Variants in ACTL8 observed in about 807,000 individuals in gnomAD.
ACTL8 encodes the protein actin like 8, also known as actin-like protein 8.
In ACTL8, 3 loss-of-function variants were observed where a neutral mutation model predicts 9.3. That is an observed-to-expected ratio of 0.32 (90% confidence interval 0.15 to 0.83). The LOEUF (loss-of-function observed/expected upper bound fraction) is 0.83. Among genes scored for constraint, ACTL8 ranks in the 40% least tolerant of loss-of-function variants. The pLI is 0.57. For missense variants in ACTL8, 381 were observed against 492.2 expected, an observed-to-expected ratio of 0.77 and a Z score of 2.14; for synonymous variants, 224 against 205.9, an observed-to-expected ratio of 1.09 and a Z score of -0.75.
At chr1:17,824,396 A>G (rs2053694615) in intron 2 of ACTL8, among the ~76,000 whole-genome samples, 1 of 152,226 alleles carries the variant, frequency 6.6e-6, no homozygotes, top group South Asian at 2.1e-4. Flanking sequence ...TTAAATAAAA[A>G]CTTTCCAAAC....
chr1:17,813,840 G>A (rs2066408396), intron 1 of ACTL8, among the ~76,000 whole-genome samples: 1 of 151,990 alleles, frequency 6.6e-6, no homozygotes, highest in Admixed American at 6.6e-5. Flanking sequence ...ATTGAGCTTT[G>A]GTACTTTATG....
intron 1 of ACTL8, among the ~76,000 whole-genome samples, chr1:17,781,557 A>G (rs970884765): frequency 1.3e-5 from 2 of 152,140 alleles, no homozygotes; most frequent in Non-Finnish European, 1.5e-5. Flanking sequence ...AGGAACTTCT[A>G]AGTCATTGGG....
chr1:17,826,657 T>A lies in ACTL8; in HGVS notation c.*138T>A. On this transcript the variant is annotated 3_prime_UTR_variant, in exon 3 of 3. Coordinates refer to ENST00000375406, the MANE Select transcript of ACTL8 (RefSeq NM_030812.3). The surrounding 1 kb of genome is among the most constrained non-coding windows in gnomAD (Gnocchi z 4.5). ...TTGGAATTCTAGGGGCATGAGGGTA[T>A]TTTTTAGGTTCTAAGGTTTTATCTT... The A allele has an allele frequency of 1.2e-6, 1 of 845,850 alleles. No homozygotes were observed. The highest frequency in any genetic ancestry group is 1.7e-6 in the Non-Finnish European group (1 of 582,112). 52.4% of individuals were successfully genotyped at this position (845,850 alleles called of 1,614,324 possible).
chr1:17,777,002 T>A (rs1374945598), intron 1 of ACTL8, among the ~76,000 whole-genome samples: 2 of 104,488 alleles, frequency 1.9e-5, no homozygotes, highest in African/African-American at 3.8e-5. Flanking sequence ...TTTTTTTTTT[T>A]TTTAGAGATG....
chr1:17,823,263 G>A lies in ACTL8; in HGVS notation c.255G>A (p.Val85=), dbSNP rs766978559. 6 of 1,614,056 alleles carry A rather than the reference G, an allele frequency of 3.7e-6. No homozygotes were observed. The African/African-American group carries it at 6.7e-5, about 18-fold the overall frequency. The change falls in exon 2 of 3, where the codon GTG becomes GTA. Residue 85 remains valine (V), a synonymous_variant. Transcript: ENST00000375406. The surrounding 1 kb of genome is among the most constrained non-coding windows in gnomAD (Gnocchi z 5.3). ...WEGVQYLWSF[V]LENHRREQEV... ...GTGTGCAGTACCTCTGGTCATTTGT[G>A]TTGGAGAACCACAGACGGGAGCAAG...
At chr1:17,772,962 A>G (rs1258172069) in intron 1 of ACTL8, among the ~76,000 whole-genome samples, 1 of 152,150 alleles carries the variant, frequency 6.6e-6, no homozygotes, top group African/African-American at 2.4e-5. Flanking sequence ...CATTTTCCTA[A>G]TGTGGTTGAC....
At chr1:17,825,622 C>T (rs1218475782) in intron 2 of ACTL8, 145 bp from the exon 3 acceptor site, 3 of 1,054,050 alleles carry the variant, frequency 2.8e-6, no homozygotes, top group Non-Finnish European at 4.0e-6. Context: ...GCATTATCCT[C>T]ACTGCATAAG....
At chr1:17,792,361 C>T (rs1183334531) in intron 1 of ACTL8, among the ~76,000 whole-genome samples, 2 of 152,168 alleles carry the variant, frequency 1.3e-5, no homozygotes, top group Non-Finnish European at 2.9e-5. Context: ...TATAATCACC[C>T]CCTCTCCATT....
intron 1 of ACTL8, among the ~76,000 whole-genome samples, chr1:17,764,785 G>A (rs909273357): frequency 1.3e-5 from 2 of 152,166 alleles, no homozygotes; most frequent in Non-Finnish European, 2.9e-5. Context: ...CTGGCTCCCC[G>A]GGGGAGTTCA....
intron 1 of ACTL8, among the ~76,000 whole-genome samples, chr1:17,790,600 C>T (rs887826444): frequency 7.2e-5 from 11 of 152,174 alleles, no homozygotes; most frequent in Non-Finnish European, 1.3e-4. Flanking sequence ...CACCCATGGG[C>T]GGGCCCAGAA....
At chr1:17,784,717 C>T (rs555542259) in intron 1 of ACTL8, among the ~76,000 whole-genome samples, 31 of 152,206 alleles carry the variant, frequency 2.0e-4, no homozygotes, top group African/African-American at 6.0e-4. Context: ...CGCTTCTTCC[C>T]GTTTTATAGG....
In ACTL8 at chr1:17,819,973, C is replaced by T. The variant is rs916986331; in HGVS notation, c.-24-3012C>T. On this transcript the variant is annotated intron_variant, in intron 1 of 2. Transcript: ENST00000375406. ...GAAGTGAGACGCGATCGTGCCACTG[C>T]CCTCCAGCCTGCGCAAGAGCGAGAT... Among the ~76,000 whole-genome samples, 8 of 152,034 alleles carry T rather than the reference C, an allele frequency of 5.3e-5. No individual in the cohort carries two copies. The South Asian group carries it at 1.7e-3, about 32-fold the overall frequency.
chr1:17,779,310 A>G (rs2066137177), intron 1 of ACTL8, among the ~76,000 whole-genome samples: 1 of 152,000 alleles, frequency 6.6e-6, no homozygotes, highest in African/African-American at 2.4e-5. Context: ...TTCGCCTTGT[A>G]CCTTGCATCT....
Position 17,822,042 on chromosome 1 carries a change from C to T in ACTL8, c.-24-943C>T, listed in dbSNP as rs564828080. ...TTTCAGCAGGGGGGCTGCTGTTCTC[C>T]CCACTTTACAGATGAAGAAACTAAC... On this transcript the variant is annotated intron_variant, in intron 1 of 2. Transcript: ENST00000375406. Among the ~76,000 whole-genome samples the T allele has an allele frequency of 5.9e-5, 9 of 152,260 alleles. 1 individual carries two copies. Among genetic ancestry groups the T allele is most frequent in the South Asian group, 2.1e-4 (1 of 4,824 alleles).
intron 1 of ACTL8, among the ~76,000 whole-genome samples, chr1:17,813,719 TA>T (rs2066407763): frequency 6.6e-6 from 1 of 152,230 alleles, no homozygotes; most frequent in South Asian, 2.1e-4. Flanking sequence ...AAATGTTGGG[TA>T]AATTCTCCAG....
intron 1 of ACTL8, among the ~76,000 whole-genome samples, chr1:17,796,010 G>T (rs2066274287): frequency 6.6e-6 from 1 of 152,144 alleles, no homozygotes; most frequent in Non-Finnish European, 1.5e-5. Context: ...GCCTTTAAAA[G>T]CTGAGCTAGG....
intron 1 of ACTL8, among the ~76,000 whole-genome samples, chr1:17,761,739 T>G (rs2066007531): frequency 6.6e-6 from 1 of 152,034 alleles, no homozygotes; most frequent in Non-Finnish European, 1.5e-5. Flanking sequence ...CCCAGCTAAT[T>G]TTTGTATTTT....
intron 1 of ACTL8, among the ~76,000 whole-genome samples, chr1:17,787,718 A>ACGC (rs1195283271): frequency 6.6e-6 from 1 of 151,758 alleles, no homozygotes; most frequent in Non-Finnish European, 1.5e-5. Context: ...ACCTCCTTGC[A>ACGC]CGCACATACA....
chr1:17,800,217 T>G (rs1226405651), intron 1 of ACTL8, among the ~76,000 whole-genome samples: 1 of 152,240 alleles, frequency 6.6e-6, no homozygotes, highest in Non-Finnish European at 1.5e-5. Context: ...CCCTTTTGGG[T>G]CATTTTAATA....
Sources: allele counts gnomAD v4.1 joint callset (sites outside exome capture counted in the v4.1 genomes callset), GRCh38; gene constraint gnomAD v4.1.1; non-coding constraint Gnocchi (gnomAD v3.1); transcripts MANE v1.5; gene names NCBI Gene and HGNC (gene_info 2026-07-23, HGNC 2026-07-21).